Variants in NUP93 observed in about 807,000 individuals in gnomAD.
NUP93 encodes the protein nucleoporin 93.
In NUP93, 55 loss-of-function variants were observed where a neutral mutation model predicts 107.8. The ratio of observed to expected loss-of-function variants is 0.51; its 90% confidence interval spans 0.41 to 0.64. The LOEUF (loss-of-function observed/expected upper bound fraction) is 0.64. NUP93 is among the 30% of genes least tolerant of loss of function. NUP93 has a pLI of 0.00. For synonymous variants in NUP93, 390 were observed against 397.5 expected (o/e 0.98, Z 0.22); for missense variants, 937 against 1,044.7 (o/e 0.90, Z 1.42).
At chr16:56,825,069 T>C (rs1165740301) in intron 8 of NUP93, among the ~76,000 whole-genome samples, 1 of 152,062 alleles carries the variant, frequency 6.6e-6, no homozygotes, top group East Asian at 1.9e-4. Flanking sequence ...GAATTTTTTT[T>C]TTTTTGTAAG....
In NUP93 at chr16:56,823,853, C is replaced by CAGCAGT. The variant is rs772646776; in HGVS notation, c.794+12_794+17dup. 3.1e-6 allele frequency: 5 copies of CAGCAGT among 1,613,102 alleles called. No homozygotes were observed. Among genetic ancestry groups the CAGCAGT allele is most frequent in the Non-Finnish European group, 4.2e-6 (5 of 1,179,744 alleles). ...TGGCGTACCTTGAGCAGAGGTAAGG[C>CAGCAGT]AGCAGTAGCACAGTGGGGCTGGCTT... On this transcript the variant is annotated splice_region_variant and intron_variant, in intron 8 of 21. Coordinates refer to ENST00000308159, the MANE Select transcript of NUP93 (RefSeq NM_014669.5).
chr16:56,805,396 C>T lies in NUP93; in HGVS notation c.361-108C>T. The T allele has an allele frequency of 5.1e-6, 6 of 1,185,266 alleles. No homozygotes were observed. The East Asian group carries it at 7.2e-5, about 14-fold the overall frequency. The allele number at this position is 1,185,266 out of a possible 1,614,324, so 73.4% of individuals were successfully genotyped here. A position where few individuals can be genotyped will look rare whatever the true frequency, so the allele number is the denominator to read the frequency against. On this transcript the variant is annotated intron_variant, in intron 4 of 21. Transcript: ENST00000308159. ...TTAAAGTAGATTGCTTTTTCTCTAC[C>T]TATGGAGAAGTGGTTGGTCTGGAGG...
intron 3 of NUP93, among the ~76,000 whole-genome samples, chr16:56,761,847 C>T (rs1459045925): frequency 2.0e-5 from 3 of 151,956 alleles, no homozygotes; most frequent in African/African-American, 7.3e-5. Flanking sequence ...TTGTTGTTAC[C>T]ATTTTGTTGT....
In NUP93 at chr16:56,797,770, G is replaced by A. The variant is rs541108982; in HGVS notation, c.298-706G>A. On this transcript the variant is annotated intron_variant, in intron 3 of 21. Transcript: ENST00000308159. ...GAGGTTTAGGGAGTTTGGGCGACCT[G>A]GCTAAAGTCCTGCTACTAGTAGTAA... is the stretch of plus-strand genomic sequence containing the variant. 2.0e-5 allele frequency among the ~76,000 whole-genome samples: 3 copies of A among 152,208 alleles called. No individual in the cohort carries two copies. In the East Asian group the frequency reaches 5.8e-4, roughly 29 times the overall value.
At position 56,833,406 on chromosome 16, in the gene NUP93, C is replaced by G. The variant is rs371478125; in HGVS notation, c.1537C>G (p.Leu513Val). 35 of 1,520,398 alleles carry G rather than the reference C, an allele frequency of 2.3e-5. No individual in the cohort carries two copies. The highest frequency in any genetic ancestry group is 3.1e-5 in the Non-Finnish European group (35 of 1,141,484). 94.2% of individuals were successfully genotyped at this position (1,520,398 alleles called of 1,614,324 possible). ...GTCCTCTGGACAGAGTGCTCAGCTC[C>G]GTGAGTATTTGGGATTGGATTGACA... Reference protein sequence around the residue: ...LKSSGQSAQLLSHEPGDPPCL... With the variant: ...LKSSGQSAQLVSHEPGDPPCL... Residue 513 changes from leucine (L) to valine (V), a missense_variant and splice_region_variant, in exon 13 of 22, where the codon CTC becomes GTC. Physicochemically the swap from Leu to Val is conservative, Grantham distance 32 (BLOSUM62 1). Transcript: ENST00000308159.
chr16:56,741,350 C>G (rs535769462), intron 1 of NUP93, among the ~76,000 whole-genome samples: 1 of 152,228 alleles, frequency 6.6e-6, no homozygotes, highest in Admixed American at 6.5e-5. Context: ...TATGTATCAA[C>G]AACTCCTTGA....
At chr16:56,740,205 C>T (rs1444322661) in intron 1 of NUP93, among the ~76,000 whole-genome samples, 46 of 137,258 alleles carry the variant, frequency 3.4e-4, no homozygotes, top group Middle Eastern at 3.9e-3. Context: ...GGCTGCCGGG[C>T]GGAGAGGCTC....
intron 7 of NUP93, among the ~76,000 whole-genome samples, chr16:56,822,873 G>C (rs1596841999): frequency 6.6e-6 from 1 of 152,238 alleles, no homozygotes; most frequent in East Asian, 1.9e-4. Context: ...CCACCACTTA[G>C]GAAGAGTCAC....
intron 3 of NUP93, among the ~76,000 whole-genome samples, chr16:56,797,105 A>G (rs1962917651): frequency 6.6e-6 from 1 of 152,022 alleles, no homozygotes; most frequent in Non-Finnish European, 1.5e-5. Flanking sequence ...CCCTGTCTCT[A>G]CTAAAAATAC....
chr16:56,821,998 T>C (rs1358302366), intron 7 of NUP93, among the ~76,000 whole-genome samples: 2 of 150,744 alleles, frequency 1.3e-5, no homozygotes, highest in African/African-American at 4.9e-5. Context: ...GAGCATTCTT[T>C]ATATACCACT....
At chr16:56,752,924 T>C (rs746787745) in intron 2 of NUP93, among the ~76,000 whole-genome samples, 1 of 152,204 alleles carries the variant, frequency 6.6e-6, no homozygotes, top group Non-Finnish European at 1.5e-5. Context: ...TTTCAACAAA[T>C]GATGCTAGGA....
At chr16:56,842,561 T>G in intron 21 of NUP93, 1 of 451,080 alleles carries the variant, frequency 2.2e-6, no homozygotes, top group South Asian at 1.6e-5. Flanking sequence ...TTTGCTTTTT[T>G]TTTTTTTTTG....
chr16:56,746,581 T>C (rs1597103207), intron 1 of NUP93, among the ~76,000 whole-genome samples: 1 of 152,280 alleles, frequency 6.6e-6, no homozygotes, highest in East Asian at 1.9e-4. Context: ...TTTTAACCTT[T>C]TGCCTTTGCC....
chr16:56,808,466 T>C lies in NUP93; in HGVS notation c.489+2834T>C, dbSNP rs191460826. Among the ~76,000 whole-genome samples, 141 of 102,398 alleles carry C rather than the reference T, an allele frequency of 1.4e-3. 1 individual carries two copies. Among genetic ancestry groups the C allele is most frequent in the Non-Finnish European group, 1.9e-3 (109 of 56,634 alleles). 67.2% of individuals were successfully genotyped at this position (102,398 alleles called of 152,430 possible). A position where few individuals can be genotyped will look rare whatever the true frequency, so the allele number is the denominator to read the frequency against. ...TGTAACTATATAAAATATATAGTTA[T>C]GTAACTATAAAATATATAGTTATGT... On this transcript the variant is annotated intron_variant, in intron 5 of 21. Coordinates refer to ENST00000308159, the MANE Select transcript of NUP93 (RefSeq NM_014669.5).
intron 21 of NUP93, chr16:56,842,589 G>A: frequency 2.3e-6 from 1 of 441,828 alleles, no homozygotes; most frequent in East Asian, 7.0e-5. Context: ...GCCTGGCTCT[G>A]TTGCCCAGGC....
chr16:56,752,282 T>C (rs1961936200), intron 2 of NUP93, among the ~76,000 whole-genome samples: 1 of 152,128 alleles, frequency 6.6e-6, no homozygotes, highest in African/African-American at 2.4e-5. Flanking sequence ...GAAAACCCTG[T>C]GCACAGGGAT....
At position 56,830,560 on chromosome 16, in the gene NUP93, G is replaced by C. The variant is rs139266728; in HGVS notation, c.960G>C (p.Ala320=). 2 of 1,595,402 alleles carry C rather than the reference G, an allele frequency of 1.3e-6. No homozygotes were observed. The highest frequency in any genetic ancestry group is 1.7e-6 in the Non-Finnish European group (2 of 1,165,410). ...DGEVEGHPVW[A]LIYYCMRCGD... ...AGGTGGAAGGCCATCCTGTGTGGGC[G>C]CTAATTTACTACTGCATGCGCTGTG... The change falls in exon 10 of 22, where the codon GCG becomes GCC. Residue 320 remains alanine (A), a synonymous_variant. Coordinates refer to ENST00000308159, the MANE Select transcript of NUP93 (RefSeq NM_014669.5).
chr16:56,740,754 G>T (rs545958234), intron 1 of NUP93: 1 of 157,160 alleles, frequency 6.4e-6, no homozygotes, highest in African/African-American at 2.4e-5. Context: ...CTGAGTGAAC[G>T]AGACTCCGTC....
At chr16:56,839,260 T>TTG (rs1555497736) in intron 19 of NUP93, 191 bp downstream of exon 19, 1 of 270,666 alleles carries the variant, frequency 3.7e-6, no homozygotes, top group Non-Finnish European at 6.4e-6. Context: ...TTTTTTTTTT[T>TTG]GCCTATTCCT....
Sources: allele counts gnomAD v4.1 joint callset (sites outside exome capture counted in the v4.1 genomes callset), GRCh38; gene constraint gnomAD v4.1.1; transcripts MANE v1.5; gene names NCBI Gene and HGNC (gene_info 2026-07-23, HGNC 2026-07-21).